PDZD2: variants seen among roughly 807,000 people sequenced by gnomAD.
The protein encoded by PDZD2 is PDZ domain-containing protein 2.
In PDZD2, 90 loss-of-function variants were observed where a neutral mutation model predicts 220.7. That is an observed-to-expected ratio of 0.41 (90% CI 0.34 to 0.49). The LOEUF is 0.49. Among genes scored for constraint, PDZD2 ranks in the 20% least tolerant of loss-of-function variants. PDZD2 has a pLI of 0.28. For synonymous variants in PDZD2, 1,375 were observed against 1,450.5 expected, an observed-to-expected ratio of 0.95 and a Z score of 1.18; for missense variants, 3,174 against 3,608.5, an observed-to-expected ratio of 0.88 and a Z score of 3.08.
intron 6 of PDZD2, among the ~76,000 whole-genome samples, chr5:32,036,421 T>C (rs1005493398): frequency 2.0e-5 from 3 of 152,260 alleles, no homozygotes; most frequent in Non-Finnish European, 4.4e-5. Context: ...GTCTTGTACA[T>C]GTAAATTTAC....
At chr5:32,037,194 G>C in intron 6 of PDZD2, 37 bp from the exon 7 acceptor site, 1 of 1,322,870 alleles carries the variant, frequency 7.6e-7, no homozygotes, top group Non-Finnish European at 1.1e-6. Context: ...TCGCAGGGCT[G>C]GGCTCTCCCA....
At chr5:31,694,144 A>G (rs1747263511) in intron 1 of PDZD2, among the ~76,000 whole-genome samples, 1 of 152,210 alleles carries the variant, frequency 6.6e-6, no homozygotes. Context: ...CAATCCCAGC[A>G]CTTTGGGAGG....
intron 1 of PDZD2, among the ~76,000 whole-genome samples, chr5:31,736,268 C>T (rs181691378): frequency 1.3e-5 from 2 of 152,146 alleles, no homozygotes; most frequent in Admixed American, 6.5e-5. Flanking sequence ...TCACTGCTCG[C>T]GTTCTGCCTG....
rs536095247 is a variant in PDZD2 at position 31,698,644 on chromosome 5, T to G, written c.-361+59207T>G. 9.2e-5 allele frequency among the ~76,000 whole-genome samples: 14 copies of G among 151,984 alleles called. No homozygotes were observed. The East Asian group carries it at 2.5e-3, about 27-fold the overall frequency. On this transcript the variant is annotated intron_variant, in intron 1 of 24. Transcript: ENST00000438447. ...AGAGAAGGCTGGGTGGAACCAGCGCTGAATGTCCGCAAAGTGCTAAATGTT... is the reference window on the plus strand; with the variant it reads ...AGAGAAGGCTGGGTGGAACCAGCGCGGAATGTCCGCAAAGTGCTAAATGTT...
At chr5:31,954,937 A>C (rs1019531640) in intron 2 of PDZD2, among the ~76,000 whole-genome samples, 3 of 151,676 alleles carry the variant, frequency 2.0e-5, no homozygotes, top group Non-Finnish European at 4.4e-5. Flanking sequence ...ACTCTGTCTC[A>C]AAAAAAACAA....
At chr5:32,105,814 T>G (rs1275399172) in intron 24 of PDZD2, among the ~76,000 whole-genome samples, 3 of 152,206 alleles carry the variant, frequency 2.0e-5, no homozygotes, top group Non-Finnish European at 4.4e-5. Context: ...TCAAATCTGT[T>G]AAGATTCAGT....
intron 1 of PDZD2, among the ~76,000 whole-genome samples, chr5:31,724,887 T>C (rs1333485434): frequency 6.6e-6 from 1 of 152,230 alleles, no homozygotes; most frequent in African/African-American, 2.4e-5. Flanking sequence ...TATGAAAGTT[T>C]ATTTTTAATA....
At chr5:32,102,065 T>A (rs190542382) in intron 24 of PDZD2, among the ~76,000 whole-genome samples, 1 of 152,130 alleles carries the variant, frequency 6.6e-6, no homozygotes, top group East Asian at 1.9e-4. Context: ...TACAATTGCA[T>A]AGTAATCCCA....
At chr5:31,785,747 T>C (rs1753344762) in intron 1 of PDZD2, among the ~76,000 whole-genome samples, 1 of 152,076 alleles carries the variant, frequency 6.6e-6, no homozygotes, top group African/African-American at 2.4e-5. Flanking sequence ...TGCCCAGCCC[T>C]GTCTTTTAAC....
chr5:32,003,048 C>T (rs1450628531), intron 5 of PDZD2, among the ~76,000 whole-genome samples: 1 of 137,510 alleles, frequency 7.3e-6, no homozygotes, highest in Non-Finnish European at 1.5e-5. Context: ...ACACACACTA[C>T]ACACACCACA....
intron 1 of PDZD2, among the ~76,000 whole-genome samples, chr5:31,771,555 T>C (rs1307569020): frequency 6.6e-6 from 1 of 152,272 alleles, no homozygotes; most frequent in East Asian, 1.9e-4. Context: ...TGCTGTTGGA[T>C]TGGCCAGGGT....
intron 1 of PDZD2, among the ~76,000 whole-genome samples, chr5:31,671,904 G>T (rs998255483): frequency 6.6e-6 from 1 of 152,168 alleles, no homozygotes; most frequent in Non-Finnish European, 1.5e-5. Context: ...CTCACCTGGA[G>T]GGGTGGAGCT....
At chr5:31,714,931 C>T (rs1392586486) in intron 1 of PDZD2, among the ~76,000 whole-genome samples, 3 of 151,620 alleles carry the variant, frequency 2.0e-5, no homozygotes, top group South Asian at 2.1e-4. Flanking sequence ...TGGTGGTGGG[C>T]GCCTGTAGTC....
rs558444398 is a variant in PDZD2 at position 31,987,310 on chromosome 5, TC to T, written c.978+3655del. Among the ~76,000 whole-genome samples the T allele has an allele frequency of 9.2e-5, 14 of 152,308 alleles. No individual in the cohort carries two copies. In the South Asian group the frequency reaches 2.9e-3, roughly 32 times the overall value. ...TACATTTGTGGTCTTTCCCTAGGAA[TC>T]GTAATCTACCCTGTACACTACCAGA... On this transcript the variant is annotated intron_variant, in intron 3 of 24. Coordinates refer to ENST00000438447, the MANE Select transcript of PDZD2 (RefSeq NM_178140.4).
chr5:31,816,944 G>A (rs572075333), intron 2 of PDZD2, among the ~76,000 whole-genome samples: 173 of 152,290 alleles, frequency 1.1e-3, no homozygotes, highest in African/African-American at 3.9e-3. Flanking sequence ...AGCACTTTGG[G>A]AGGCCGAGGC....
chr5:31,862,188 A>G (rs914983120), intron 2 of PDZD2, among the ~76,000 whole-genome samples: 7 of 144,336 alleles, frequency 4.8e-5, no homozygotes, highest in African/African-American at 1.8e-4. Flanking sequence ...TCACCCCAAC[A>G]TCCACCCCAG....
At chr5:32,092,524 A>G (rs1743261286) in intron 20 of PDZD2, among the ~76,000 whole-genome samples, 1 of 152,218 alleles carries the variant, frequency 6.6e-6, no homozygotes, top group Non-Finnish European at 1.5e-5. Context: ...GTGAGCTGAG[A>G]TCGTGCCACT....
chr5:31,753,271 G>A (rs548363798), intron 1 of PDZD2, among the ~76,000 whole-genome samples: 1 of 152,256 alleles, frequency 6.6e-6, no homozygotes, highest in East Asian at 1.9e-4. Flanking sequence ...CATGATGAGG[G>A]GCACGGATGC....
At chr5:31,868,858 G>A (rs1456904394) in intron 2 of PDZD2, among the ~76,000 whole-genome samples, 2 of 152,106 alleles carry the variant, frequency 1.3e-5, no homozygotes, top group South Asian at 4.1e-4. Flanking sequence ...TGGAACCACC[G>A]CCTCCCGGGT....
Sources: allele counts gnomAD v4.1 joint callset (sites outside exome capture counted in the v4.1 genomes callset), GRCh38; gene constraint gnomAD v4.1.1; transcripts MANE v1.5; gene names NCBI Gene and HGNC (gene_info 2026-07-23, HGNC 2026-07-21).